RGS9: variants seen among roughly 807,000 people sequenced by gnomAD.
RGS9 encodes the protein regulator of G-protein signalling 9.
RGS9 carries 78 observed loss-of-function variants against 102.0 expected under a neutral mutation model. That is an observed-to-expected ratio of 0.76 (90% CI 0.64 to 0.92). The LOEUF is 0.92. Ranked by LOEUF, RGS9 falls within the 40% of genes least tolerant of loss-of-function variation. RGS9 has a pLI of 0.00. For missense variants in RGS9, 833 were observed against 866.1 expected (o/e 0.96, Z 0.48); for synonymous variants, 353 against 318.6 (o/e 1.11, Z -1.15).
intron 9 of RGS9, among the ~76,000 whole-genome samples, chr17:65,183,891 C>G (rs117842777): frequency 6.6e-6 from 1 of 152,194 alleles, no homozygotes; most frequent in African/African-American, 2.4e-5. Flanking sequence ...GCCAGTCAGC[C>G]GGCCCAGAGC....
intron 15 of RGS9, among the ~76,000 whole-genome samples, chr17:65,205,408 C>T (rs8078401): frequency 0.15 from 21,916 of 151,030 alleles, 3,273 homozygotes; most frequent in African/African-American, 0.34. Context: ...TTATGTGATA[C>T]AGGTTATGTG....
chr17:65,184,856 A>G (rs1217315160), intron 9 of RGS9, among the ~76,000 whole-genome samples: 2 of 97,810 alleles, frequency 2.0e-5, no homozygotes, highest in African/African-American at 1.1e-4. Context: ...CTTCCTTCTC[A>G]CTGTCTCTCT....
intron 2 of RGS9, among the ~76,000 whole-genome samples, chr17:65,156,315 G>A (rs991797214): frequency 6.6e-6 from 1 of 152,168 alleles, no homozygotes; most frequent in African/African-American, 2.4e-5. Flanking sequence ...GAGCCACCGC[G>A]CCCAGCCCAG....
At chr17:65,211,913 T>G (rs1913319505) in intron 17 of RGS9, among the ~76,000 whole-genome samples, 1 of 152,194 alleles carries the variant, frequency 6.6e-6, no homozygotes. Flanking sequence ...ATTCAGCAAG[T>G]GTTCATTGTT....
intron 17 of RGS9, among the ~76,000 whole-genome samples, chr17:65,215,473 TCTC>T (rs1567893093): frequency 2.9e-5 from 4 of 139,846 alleles, no homozygotes; most frequent in African/African-American, 1.2e-4. Context: ...TTTCTTTCTT[TCTC>T]TATCTTTCTT....
intron 1 of RGS9, among the ~76,000 whole-genome samples, chr17:65,150,756 C>G (rs978441689): frequency 1.3e-5 from 2 of 152,236 alleles, no homozygotes; most frequent in African/African-American, 2.4e-5. Flanking sequence ...TATCTTTGCA[C>G]TGGTCAGTTA....
intron 1 of RGS9, among the ~76,000 whole-genome samples, chr17:65,150,870 G>T (rs1910551941): frequency 6.6e-6 from 1 of 152,188 alleles, no homozygotes; most frequent in South Asian, 2.1e-4. Flanking sequence ...AGCACATCTG[G>T]GGCAGGGGGA....
chr17:65,143,936 GAA>G (rs35132424), intron 1 of RGS9, among the ~76,000 whole-genome samples: 15 of 138,208 alleles, frequency 1.1e-4, no homozygotes, highest in Admixed American at 1.5e-4. Context: ...ACTCCAGCCT[GAA>G]AAAAAAAAAA....
chr17:65,190,242 T>C lies in RGS9; in HGVS notation c.746+6T>C, dbSNP rs2144064450. The C allele has an allele frequency of 6.2e-7, 1 of 1,610,934 alleles. No individual in the cohort carries two copies. The highest frequency in any genetic ancestry group is 8.5e-7 in the Non-Finnish European group (1 of 1,177,044). On this transcript the variant is annotated splice_donor_region_variant and intron_variant, in intron 11 of 18. Coordinates refer to ENST00000262406, the MANE Select transcript of RGS9 (RefSeq NM_003835.4). ...TCTTCTGTGTCCCTGGGAGGGTATG[T>C]CCCTGATTTGTTGATCTTGCTAAAG...
chr17:65,224,241 A>T (rs1487732264), intron 17 of RGS9, among the ~76,000 whole-genome samples: 1 of 152,186 alleles, frequency 6.6e-6, no homozygotes, highest in Non-Finnish European at 1.5e-5. Context: ...TAAATGCCAG[A>T]TTTACCCCTC....
chr17:65,149,910 C>G (rs1301196425), intron 1 of RGS9, among the ~76,000 whole-genome samples: 1 of 152,198 alleles, frequency 6.6e-6, no homozygotes, highest in Non-Finnish European at 1.5e-5. Flanking sequence ...AGACTGAGTG[C>G]TTTTTCTTTG....
Position 65,206,277 on chromosome 17 carries a change from T to C in RGS9, c.1204-1645T>C, listed in dbSNP as rs190025975. Among the ~76,000 whole-genome samples, 40 of 152,352 alleles carry C rather than the reference T, an allele frequency of 2.6e-4. No individual in the cohort carries two copies. In the East Asian group the frequency reaches 7.5e-3, roughly 29 times the overall value. On this transcript the variant is annotated intron_variant, in intron 15 of 18. Transcript: ENST00000262406. ...TTTGAATCAGTGGGGTGTTTCTGTG[T>C]GTTTTGAATCAGTGGCTGTCTCTTT...
At chr17:65,153,576 C>G in intron 2 of RGS9, 58 bp downstream of exon 2, 9 of 1,333,248 alleles carry the variant, frequency 6.8e-6, no homozygotes, top group Non-Finnish European at 9.7e-6. Context: ...CCCAATACGG[C>G]CCACCTCCTG....
intron 8 of RGS9, among the ~76,000 whole-genome samples, chr17:65,176,404 T>G (rs1043145580): frequency 8.5e-5 from 13 of 152,214 alleles, no homozygotes; most frequent in African/African-American, 3.1e-4. Flanking sequence ...AGGAGGATTC[T>G]TCTCTGTTTC....
intron 7 of RGS9, among the ~76,000 whole-genome samples, chr17:65,167,333 C>T (rs1014734307): frequency 6.6e-6 from 1 of 152,038 alleles, no homozygotes; most frequent in African/African-American, 2.4e-5. Context: ...TCCTGAGTAG[C>T]TGGGATTACA....
intron 1 of RGS9, among the ~76,000 whole-genome samples, chr17:65,145,423 C>CT: frequency 6.6e-6 from 1 of 152,006 alleles, no homozygotes; most frequent in East Asian, 1.9e-4. Flanking sequence ...GAGTCTCACT[C>CT]TGTTGACCAG....
At chr17:65,192,066 T>G (rs1047072687) in intron 11 of RGS9, among the ~76,000 whole-genome samples, 2 of 152,234 alleles carry the variant, frequency 1.3e-5, no homozygotes, top group African/African-American at 4.8e-5. Context: ...TAGCTTTTTT[T>G]AGAAAAGTTT....
chr17:65,205,757 A>G (rs1481942240), intron 15 of RGS9, among the ~76,000 whole-genome samples: 2 of 150,992 alleles, frequency 1.3e-5, no homozygotes, highest in East Asian at 3.9e-4. Flanking sequence ...AGGTTATATG[A>G]TATACATTAT....
intron 9 of RGS9, chr17:65,189,085 C>CA (rs1482966730): frequency 3.3e-6 from 2 of 606,366 alleles, no homozygotes; most frequent in Admixed American, 5.8e-5. Flanking sequence ...CCTTCGCTTA[C>CA]AAAATCTCTT....
Sources: allele counts gnomAD v4.1 joint callset (sites outside exome capture counted in the v4.1 genomes callset), GRCh38; gene constraint gnomAD v4.1.1; transcripts MANE v1.5; gene names NCBI Gene and HGNC (gene_info 2026-07-23, HGNC 2026-07-21).